The following RIMS1 variants were observed in gnomAD, a reference collection of about 807,000 sequenced individuals.
RIMS1 encodes the protein regulating synaptic membrane exocytosis protein 1.
In RIMS1, 83 loss-of-function variants were observed where a neutral mutation model predicts 214.1. That is an observed-to-expected ratio of 0.39 (90% CI 0.32 to 0.47). RIMS1 has a LOEUF of 0.47. RIMS1 is among the 20% of genes least tolerant of loss of function. The probability of loss-of-function intolerance (pLI) is 0.99; values close to 1 mark genes in which losing one functional copy is unlikely to be tolerated. For missense variants in RIMS1, 2,050 were observed against 2,161.8 expected (o/e 0.95, Z 1.03); for synonymous variants, 793 against 786.8 (o/e 1.01, Z -0.13).
At chr6:72,096,809 G>A (rs1197966928) in intron 2 of RIMS1, 140 bp from the exon 3 acceptor site, 10 of 705,278 alleles carry the variant, frequency 1.4e-5, no homozygotes, top group Admixed American at 1.4e-4. Flanking sequence ...TAAGGTTAGT[G>A]GGGAAAATAG....
chr6:72,024,833 ATAAATAATATAT>A (rs1411745622), intron 2 of RIMS1, among the ~76,000 whole-genome samples: 3 of 151,626 alleles, frequency 2.0e-5, no homozygotes, highest in Admixed American at 2.0e-4. Flanking sequence ...CCAATGTCAC[ATAAATAATATAT>A]TAAATAATAT....
At chr6:72,091,477 A>G (rs1481638065) in intron 2 of RIMS1, among the ~76,000 whole-genome samples, 3 of 152,234 alleles carry the variant, frequency 2.0e-5, no homozygotes, top group Non-Finnish European at 4.4e-5. Context: ...AATGTCATCA[A>G]TAATTGCTTG....
intron 26 of RIMS1, among the ~76,000 whole-genome samples, chr6:72,295,259 T>G (rs1376445755): frequency 6.6e-6 from 1 of 151,530 alleles, no homozygotes; most frequent in African/African-American, 2.4e-5. Context: ...AACAAAGAGG[T>G]GGATATAAAG....
At chr6:72,281,296 A>G (rs1433963366) in intron 23 of RIMS1, among the ~76,000 whole-genome samples, 1 of 152,148 alleles carries the variant, frequency 6.6e-6, no homozygotes, top group East Asian at 1.9e-4. Flanking sequence ...GATAAAGTGA[A>G]CATGCTATCA....
At chr6:72,241,902 T>C (rs1406839051) in intron 9 of RIMS1, among the ~76,000 whole-genome samples, 1 of 152,212 alleles carries the variant, frequency 6.6e-6, no homozygotes, top group Non-Finnish European at 1.5e-5. Flanking sequence ...TATGCACAGT[T>C]TAATAAGAAT....
chr6:72,233,062 C>T lies in RIMS1; in HGVS notation c.1679-711C>T, dbSNP rs538769574. Among the ~76,000 whole-genome samples, 7 of 151,940 alleles carry T rather than the reference C, an allele frequency of 4.6e-5. No homozygotes were observed. In the South Asian group the frequency reaches 1.2e-3, roughly 27 times the overall value. On this transcript the variant is annotated intron_variant, in intron 6 of 33. Transcript: ENST00000521978. ...CTCATGTAGGTTACCCAATTTTTCT[C>T]CGGCCTTTCATCCTATACAAATACT... is the stretch of plus-strand genomic sequence containing the variant.
chr6:72,147,379 C>A (rs2042896975), intron 4 of RIMS1, among the ~76,000 whole-genome samples: 1 of 152,052 alleles, frequency 6.6e-6, no homozygotes, highest in African/African-American at 2.4e-5. Flanking sequence ...AGGGTGGAGC[C>A]CTTGAAGAAA....
chr6:72,076,055 G>A (rs1008790941), intron 2 of RIMS1, among the ~76,000 whole-genome samples: 1 of 152,090 alleles, frequency 6.6e-6, no homozygotes, highest in Non-Finnish European at 1.5e-5. Context: ...CAAGCTTTAA[G>A]ACTTTTAAAA....
chr6:72,169,647 T>C (rs2046751217), intron 4 of RIMS1, among the ~76,000 whole-genome samples: 2 of 152,202 alleles, frequency 1.3e-5, no homozygotes, highest in South Asian at 4.1e-4. Context: ...CACATGCCTG[T>C]AATTGCAGCA....
At chr6:72,163,161 T>A (rs553001006) in intron 4 of RIMS1, among the ~76,000 whole-genome samples, 1 of 140,380 alleles carries the variant, frequency 7.1e-6, no homozygotes, top group Non-Finnish European at 1.6e-5. Flanking sequence ...ATACCCTTTC[T>A]TCCAGTTGAT....
intron 27 of RIMS1, among the ~76,000 whole-genome samples, chr6:72,310,218 CT>C (rs2095440646): frequency 6.6e-6 from 1 of 152,002 alleles, no homozygotes; most frequent in African/African-American, 2.4e-5. Context: ...TAGAACTGGA[CT>C]TTTTTTCAGG....
chr6:72,216,923 T>A, intron 6 of RIMS1: 1 of 1,273,506 alleles, frequency 7.9e-7, no homozygotes, highest in Non-Finnish European at 9.9e-7. Flanking sequence ...AGATTAATGC[T>A]GTAATCAATG....
intron 2 of RIMS1, among the ~76,000 whole-genome samples, chr6:72,028,204 A>C (rs1562150299): frequency 6.6e-6 from 1 of 152,156 alleles, no homozygotes. Context: ...AAAAAGAATC[A>C]TGTAGCCCAG....
At chr6:71,980,207 T>C (rs533401520) in intron 2 of RIMS1, among the ~76,000 whole-genome samples, 48 of 152,068 alleles carry the variant, frequency 3.2e-4, no homozygotes, top group Non-Finnish European at 6.3e-4. Context: ...TGGACTCTAC[T>C]GGTGGCAACT....
chr6:72,183,071 G>A lies in RIMS1; in HGVS notation c.1600G>A (p.Glu534Lys). 6.3e-7 allele frequency: 1 copy of A among 1,594,396 alleles called. No individual in the cohort carries two copies. The highest frequency in any genetic ancestry group is 8.5e-7 in the Non-Finnish European group (1 of 1,171,444). ...GCGGCAGATGTCGGTGAGCAGCTCTGAGGAGGAGGGCGTGTCGACGCCCGA... is the reference window on the plus strand; with the variant it reads ...GCGGCAGATGTCGGTGAGCAGCTCTAAGGAGGAGGGCGTGTCGACGCCCGA... ...KKRQMSVSSS[E>K]EEGVSTPEYT... The change falls in exon 6 of 34, where the codon GAG (glutamate) becomes AAG (lysine). Residue 534 changes from glutamate (E) to lysine (K), a missense_variant. Around this residue, in one of 6 missense-constraint regions of RIMS1, gnomAD observed 882 missense variants for 828.9 expected, o/e 1.06. Coordinates refer to ENST00000521978, the MANE Select transcript of RIMS1 (RefSeq NM_014989.7).
At chr6:72,209,343 T>A (rs1469085126) in intron 6 of RIMS1, among the ~76,000 whole-genome samples, 1 of 152,198 alleles carries the variant, frequency 6.6e-6, no homozygotes, top group Non-Finnish European at 1.5e-5. Flanking sequence ...TAAGAGGCAT[T>A]GAAGCCTTAT....
intron 1 of RIMS1, among the ~76,000 whole-genome samples, chr6:71,889,023 A>T (rs1080063): frequency 6.6e-6 from 1 of 152,092 alleles, no homozygotes. Flanking sequence ...AGCCCCTGCC[A>T]CCTGTCCTGA....
intron 2 of RIMS1, among the ~76,000 whole-genome samples, chr6:72,055,744 AT>A (rs1284572180): frequency 1.3e-5 from 2 of 152,224 alleles, no homozygotes; most frequent in African/African-American, 2.4e-5. Flanking sequence ...AATGGCTATT[AT>A]TAAACGTGAA....
At chr6:72,288,174 C>T (rs1224594980) in intron 24 of RIMS1, among the ~76,000 whole-genome samples, 1 of 152,002 alleles carries the variant, frequency 6.6e-6, no homozygotes, top group Non-Finnish European at 1.5e-5. Flanking sequence ...GCCTCTACCA[C>T]ATTTTAGCTG....
Sources: gnomAD v4.1 joint callset for allele counts (sites outside exome capture counted in the v4.1 genomes callset) on GRCh38, gnomAD v4.1.1 for gene constraint, gnomAD v4.1.1 regional missense constraint, MANE v1.5 for transcripts, NCBI Gene and HGNC (gene_info 2026-07-23, HGNC 2026-07-21) for gene names.